Variants in UTY observed in about 807,000 individuals in gnomAD.
UTY encodes ubiquitously transcribed tetratricopeptide repeat containing, Y-linked, also known as histone demethylase UTY.
A neutral mutation model predicts 32.5 loss-of-function variants in UTY; 12 were observed. The ratio of observed to expected loss-of-function variants is 0.37; its 90% CI spans 0.24 to 0.60. The LOEUF is 0.60. UTY is among the 20% of genes least tolerant of loss of function. The pLI is 0.69. For missense variants in UTY, 303 were observed against 299.2 expected (o/e 1.01, Z -0.09); for synonymous variants, 131 against 103.4 (o/e 1.27, Z -1.62).
chrY:13,360,720 T>A, intron 10 of UTY, among the ~76,000 whole-genome samples, 192 bp from the exon 11 acceptor site: 1 of 33,483 alleles, frequency 3.0e-5, no homozygotes. Context: ...TGTAACTTGC[T>A]GTTAAATACT....
intron 6 of UTY, among the ~76,000 whole-genome samples, chrY:13,398,563 T>A (rs2068548976): frequency 3.0e-5 from 1 of 33,072 alleles, no homozygotes; most frequent in Non-Finnish European, 7.5e-5. Context: ...AAAAACAGAT[T>A]TACTTAGCTT....
At chrY:13,391,995 A>C (rs936705692) in intron 8 of UTY, among the ~76,000 whole-genome samples, 1 of 32,548 alleles carries the variant, frequency 3.1e-5, no homozygotes, top group Non-Finnish European at 7.5e-5. Flanking sequence ...AAACACAGCA[A>C]GACCCTATCT....
At chrY:13,240,047 C>G in intron 28 of UTY, among the ~76,000 whole-genome samples, 1 of 33,031 alleles carries the variant, frequency 3.0e-5, no homozygotes, top group African/African-American at 1.2e-4. Context: ...CACATACCAA[C>G]ATATCAATAA....
At chrY:13,409,386 T>C (rs2070565947) in intron 6 of UTY, among the ~76,000 whole-genome samples, 1 of 33,822 alleles carries the variant, frequency 3.0e-5, no homozygotes, top group Non-Finnish European at 7.4e-5. Context: ...TGTAGTTTAC[T>C]TGCAATGATT....
intron 29 of UTY, among the ~76,000 whole-genome samples, chrY:13,250,360 G>A: frequency 3.0e-5 from 1 of 33,677 alleles, no homozygotes; most frequent in Admixed American, 2.7e-4. Flanking sequence ...TTAAGAGTGC[G>A]GCGCTATTAC....
intron 8 of UTY, among the ~76,000 whole-genome samples, chrY:13,380,061 GTATATATATATATATATATATA>G (rs1204552573): frequency 1.9e-3 from 7 of 3,635 alleles, no homozygotes; most frequent in South Asian, 9.3e-3. Context: ...GTGTGTGTGT[GTATATATATATATATATATATA>G]TATATATATA....
intron 8 of UTY, among the ~76,000 whole-genome samples, chrY:13,371,504 T>C: frequency 3.0e-5 from 1 of 33,159 alleles, no homozygotes; most frequent in Non-Finnish European, 7.5e-5. Context: ...AGTCCAAAAA[T>C]AGTAAATAAA....
intron 27 of UTY, among the ~76,000 whole-genome samples, chrY:13,271,251 A>C: frequency 3.0e-5 from 1 of 33,611 alleles, no homozygotes; most frequent in Non-Finnish European, 7.4e-5. Flanking sequence ...TTAGAGTTGG[A>C]TTTTATTCAG....
chrY:13,455,843 T>C (rs539796525), intron 3 of UTY, among the ~76,000 whole-genome samples: 8 of 33,169 alleles, frequency 2.4e-4, no homozygotes, highest in African/African-American at 9.5e-4. Flanking sequence ...GCTCCTGATG[T>C]GCTGGGTGAG....
At chrY:13,234,293 A>G (rs2053831911), downstream of UTY, among the ~76,000 whole-genome samples, 1 of 34,369 alleles carries the variant, frequency 2.9e-5, no homozygotes, top group East Asian at 7.8e-4. Flanking sequence ...GTGAGGGTGC[A>G]GTTGAAGCAG....
chrY:13,339,028 G>C (rs2061318157), intron 17 of UTY, among the ~76,000 whole-genome samples: 1 of 34,174 alleles, frequency 2.9e-5, no homozygotes, highest in African/African-American at 1.1e-4. Context: ...AACAGCGTTA[G>C]CTTCTCACTT....
chrY:13,325,567 T>G (rs1438522933), intron 19 of UTY, among the ~76,000 whole-genome samples: 1 of 33,987 alleles, frequency 2.9e-5, no homozygotes. Context: ...CAATGGAAAT[T>G]TTATACCCAC....
At chrY:13,355,486 T>TA in intron 16 of UTY, 88 bp from the exon 17 acceptor site, 1 of 326,430 alleles carries the variant, frequency 3.1e-6, no homozygotes, top group Non-Finnish European at 4.4e-6. Flanking sequence ...TTCATGTCTC[T>TA]AAAAAAACAT....
chrY:13,257,559 A>G (rs2054871343), intron 28 of UTY, among the ~76,000 whole-genome samples: 3 of 33,855 alleles, frequency 8.9e-5, no homozygotes, highest in African/African-American at 3.5e-4. Flanking sequence ...CATCTACAGA[A>G]ACCAGCTGTA....
chrY:13,323,622 T>C lies in UTY; in HGVS notation c.3209A>G (p.Asn1070Ser). Residue 1070 changes from asparagine to serine, a missense_variant, in exon 21 of 30, where the codon AAT (asparagine) becomes AGT (serine). Physicochemically the swap from Asn to Ser is conservative, Grantham distance 46. Coordinates refer to ENST00000545955, the MANE Select transcript of UTY (RefSeq NM_001258249.2). ...TTTGGCAATTGTAGTATGAGATCTATTGCTTTCACAACGCCAGATTTTCTT... is the reference window on the plus strand; with the variant it reads ...TTTGGCAATTGTAGTATGAGATCTACTGCTTTCACAACGCCAGATTTTCTT... ...GTKKIWRCESNRSHTTIAKYA... is the reference protein window; with the variant it reads ...GTKKIWRCESSRSHTTIAKYA... 2.5e-6 allele frequency: 1 copy of C among 398,251 alleles called. No homozygotes were observed. The highest frequency in any genetic ancestry group is 3.5e-6 in the Non-Finnish European group (1 of 283,103).
chrY:13,258,481 A>T, intron 28 of UTY, among the ~76,000 whole-genome samples: 1 of 34,160 alleles, frequency 2.9e-5, no homozygotes, highest in Non-Finnish European at 7.3e-5. Flanking sequence ...AAGGATTTGT[A>T]GAAACTATTA....
At chrY:13,256,981 C>T (rs2054793041) in intron 28 of UTY, among the ~76,000 whole-genome samples, 1 of 34,017 alleles carries the variant, frequency 2.9e-5, no homozygotes, top group South Asian at 6.5e-4. Flanking sequence ...CCTCTAGTCT[C>T]AAACACAGAT....
At chrY:13,386,573 T>G in intron 8 of UTY, among the ~76,000 whole-genome samples, 1 of 32,384 alleles carries the variant, frequency 3.1e-5, no homozygotes, top group Non-Finnish European at 7.6e-5. Context: ...ATAAAATCTG[T>G]TTTTTTTGTA....
At chrY:13,325,070 T>C in intron 19 of UTY, among the ~76,000 whole-genome samples, 3 of 33,855 alleles carry the variant, frequency 8.9e-5, no homozygotes. Context: ...AGCATATTTT[T>C]TGAGTTATCT....
Sources: allele counts gnomAD v4.1 joint callset (sites outside exome capture counted in the v4.1 genomes callset), GRCh38; gene constraint gnomAD v4.1.1; transcripts MANE v1.5; gene names NCBI Gene and HGNC (gene_info 2026-07-23, HGNC 2026-07-21).